SCAMP1: variants seen among roughly 807,000 people sequenced by gnomAD.
SCAMP1 encodes the protein secretory carrier-associated membrane protein 1.
In SCAMP1, 15 loss-of-function variants were observed where a neutral mutation model predicts 41.8. That is an observed-to-expected ratio of 0.36 (90% CI 0.24 to 0.55). The LOEUF (loss-of-function observed/expected upper bound fraction) is 0.55. SCAMP1 is among the 20% of genes least tolerant of loss of function. SCAMP1 has a pLI of 0.86. For synonymous variants in SCAMP1, 135 were observed against 136.8 expected (o/e 0.99, Z 0.09); for missense variants, 341 against 412.6 (o/e 0.83, Z 1.50).
At chr5:78,370,738 A>G (rs1229227788) in intron 1 of SCAMP1, 1 of 152,172 alleles carries the variant, frequency 6.6e-6, no homozygotes, top group Non-Finnish European at 1.5e-5. Context: ...CTGTTTAATC[A>G]TGGAGGAGCT....
intron 7 of SCAMP1, among the ~76,000 whole-genome samples, chr5:78,453,188 A>G (rs1240263264): frequency 1.3e-5 from 2 of 150,844 alleles, no homozygotes; most frequent in Admixed American, 6.6e-5. Context: ...TCTTTAGTTT[A>G]ATTAGATCCC....
rs1053524053 is a variant in SCAMP1, at chr5:78,384,469, T to C, written c.58-4368T>C. Among the ~76,000 whole-genome samples, 9 of 152,212 alleles carry C rather than the reference T, an allele frequency of 5.9e-5. No homozygotes were observed. The East Asian group carries it at 1.7e-3, about 30-fold the overall frequency. On this transcript the variant is annotated intron_variant, in intron 1 of 8. Transcript: ENST00000621999. ...GTTTCTTTTTCTTGTCTAATTCCTC[T>C]GGCTAGGACTTCCAGTACGGTGTAG...
At chr5:78,395,283 C>T (rs1751623193) in intron 2 of SCAMP1, among the ~76,000 whole-genome samples, 1 of 152,128 alleles carries the variant, frequency 6.6e-6, no homozygotes, top group Non-Finnish European at 1.5e-5. Context: ...GTGCCATTTG[C>T]TCTAGCCAAA....
chr5:78,377,962 A>G (rs1004593743), intron 1 of SCAMP1, among the ~76,000 whole-genome samples: 2 of 152,226 alleles, frequency 1.3e-5, no homozygotes, highest in African/African-American at 2.4e-5. Flanking sequence ...GCAGCCAGCA[A>G]TCCGTAGCAT....
At chr5:78,444,179 C>T (rs1752998844) in intron 6 of SCAMP1, among the ~76,000 whole-genome samples, 1 of 152,146 alleles carries the variant, frequency 6.6e-6, no homozygotes, top group Non-Finnish European at 1.5e-5. Flanking sequence ...GTTTTGGAGC[C>T]CCCAAATAAG....
intron 2 of SCAMP1, among the ~76,000 whole-genome samples, chr5:78,391,603 G>T (rs1751506342): frequency 6.6e-6 from 1 of 152,160 alleles, no homozygotes; most frequent in Admixed American, 6.5e-5. Flanking sequence ...CCCACACGGG[G>T]TGGCGGCCGG....
chr5:78,438,762 A>G (rs1009539525), intron 6 of SCAMP1, among the ~76,000 whole-genome samples: 1 of 152,108 alleles, frequency 6.6e-6, no homozygotes, highest in Non-Finnish European at 1.5e-5. Flanking sequence ...CAAGTCCTGG[A>G]TATCCTTGTT....
intron 3 of SCAMP1, among the ~76,000 whole-genome samples, chr5:78,415,977 A>G (rs1480175948): frequency 6.6e-6 from 1 of 152,236 alleles, no homozygotes; most frequent in Non-Finnish European, 1.5e-5. Context: ...GTTAGGAGGT[A>G]GAAGATGGCA....
intron 7 of SCAMP1, among the ~76,000 whole-genome samples, chr5:78,452,345 C>A (rs1014920239): frequency 7.7e-6 from 1 of 130,486 alleles, no homozygotes; most frequent in South Asian, 3.0e-4. Flanking sequence ...TCCCTCCCCC[C>A]ACCCCACGAC....
intron 1 of SCAMP1, among the ~76,000 whole-genome samples, chr5:78,378,903 G>A (rs914492753): frequency 6.6e-6 from 1 of 152,152 alleles, no homozygotes; most frequent in African/African-American, 2.4e-5. Context: ...CAGACCTACT[G>A]AATCAGAAAC....
At chr5:78,395,184 A>G (rs1345644850) in intron 2 of SCAMP1, among the ~76,000 whole-genome samples, 2 of 152,060 alleles carry the variant, frequency 1.3e-5, no homozygotes, top group Non-Finnish European at 2.9e-5. Flanking sequence ...TTCGTAGACC[A>G]TTTTTTTAGG....
At chr5:78,373,035 A>T (rs1299177971) in intron 1 of SCAMP1, among the ~76,000 whole-genome samples, 1 of 152,174 alleles carries the variant, frequency 6.6e-6, no homozygotes, top group Non-Finnish European at 1.5e-5. Context: ...GCCTGTGGTC[A>T]CCTAGCTAGG....
intron 1 of SCAMP1, among the ~76,000 whole-genome samples, chr5:78,382,287 TGATGTTCATTATGCTGA>T (rs1330398334): frequency 6.6e-6 from 1 of 152,226 alleles, no homozygotes; most frequent in Non-Finnish European, 1.5e-5. Context: ...TGACTTTTGT[TGATGTTCATTATGCTGA>T]GATGTTCATT....
chr5:78,448,215 A>T (rs1243590402), intron 6 of SCAMP1, among the ~76,000 whole-genome samples: 2 of 141,592 alleles, frequency 1.4e-5, no homozygotes, highest in Non-Finnish European at 3.1e-5. Context: ...TTTTAAAATA[A>T]AGATGGGTGT....
chr5:78,445,112 G>C (rs566911567), intron 6 of SCAMP1, among the ~76,000 whole-genome samples: 11 of 152,244 alleles, frequency 7.2e-5, no homozygotes, highest in Non-Finnish European at 7.4e-5. Context: ...TCCCATCCCA[G>C]CAAATGGTAG....
At chr5:78,399,220 T>C (rs545546365) in intron 2 of SCAMP1, among the ~76,000 whole-genome samples, 1 of 152,342 alleles carries the variant, frequency 6.6e-6, no homozygotes, top group Admixed American at 6.5e-5. Flanking sequence ...ATCCACAAAC[T>C]CAAGGACATC....
At chr5:78,464,018 G>A (rs1330796254) in intron 8 of SCAMP1, among the ~76,000 whole-genome samples, 2 of 152,046 alleles carry the variant, frequency 1.3e-5, no homozygotes, top group East Asian at 1.9e-4. Context: ...TCTGTCTGTC[G>A]CCAGGCTGGA....
Position 78,460,820 on chromosome 5 carries a change from C to CTTTCTTTCTTTCTTTCTTTCTTTCTTT in SCAMP1, c.852+1458_852+1459insTTTCTTTCTTTCTTTCTTTCTTTCTTT, listed in dbSNP as rs1201206613. Among the ~76,000 whole-genome samples the CTTTCTTTCTTTCTTTCTTTCTTTCTTT allele has an allele frequency of 1.8e-3, 51 of 28,240 alleles. 8 individuals carry two copies. Among genetic ancestry groups the CTTTCTTTCTTTCTTTCTTTCTTTCTTT allele is most frequent in the Non-Finnish European group, 4.8e-3 (40 of 8,294 alleles). The allele number at this position is 28,240 out of a possible 152,430, so 18.5% of individuals were successfully genotyped here. ...TCCTTCCTTCCTCCCTTCCTTCCTTCCTTTCTTGTCTTTCCTCTATCTGTC... is the reference window on the plus strand; with the variant it reads ...TCCTTCCTTCCTCCCTTCCTTCCTTCTTTCTTTCTTTCTTTCTTTCTTTCTTTCTTTCTTGTCTTTCCTCTATCTGTC... On this transcript the variant is annotated intron_variant, in intron 8 of 8. Coordinates refer to ENST00000621999, the MANE Select transcript of SCAMP1 (RefSeq NM_004866.6).
intron 8 of SCAMP1, among the ~76,000 whole-genome samples, chr5:78,473,930 G>A (rs1753944193): frequency 6.6e-6 from 1 of 152,020 alleles, no homozygotes; most frequent in Admixed American, 6.6e-5. Context: ...TAGTTCTAGA[G>A]GCTGAGAAGT....
Sources: allele counts gnomAD v4.1 joint callset (sites outside exome capture counted in the v4.1 genomes callset), GRCh38; gene constraint gnomAD v4.1.1; transcripts MANE v1.5; gene names NCBI Gene and HGNC (gene_info 2026-07-23, HGNC 2026-07-21).